ARHGAP18: variants seen among roughly 807,000 people sequenced by gnomAD.
ARHGAP18 encodes the protein Rho GTPase activating protein 18.
In ARHGAP18, 67 loss-of-function variants were observed where a neutral mutation model predicts 86.2. The ratio of observed to expected loss-of-function variants is 0.78; its 90% CI spans 0.64 to 0.95. The LOEUF (loss-of-function observed/expected upper bound fraction) is 0.95, where lower values mean the gene tolerates loss of function less well. Ranked by LOEUF, ARHGAP18 falls within the 40% of genes least tolerant of loss-of-function variation. ARHGAP18 has a pLI of 0.00. For missense variants in ARHGAP18, 691 were observed against 780.4 expected, an observed-to-expected ratio of 0.89 and a Z score of 1.37; for synonymous variants, 283 against 280.4, an observed-to-expected ratio of 1.01 and a Z score of -0.09.
intron 7 of ARHGAP18, among the ~76,000 whole-genome samples, chr6:129,615,647 T>C (rs1789082350): frequency 6.6e-6 from 1 of 152,218 alleles, no homozygotes; most frequent in Admixed American, 6.5e-5. Flanking sequence ...TTCTCAAATG[T>C]AATCTGTATT....
intron 1 of ARHGAP18, among the ~76,000 whole-genome samples, chr6:129,707,684 T>A (rs937346793): frequency 1.3e-5 from 2 of 149,238 alleles, no homozygotes; most frequent in Admixed American, 1.3e-4. Context: ...TTGGTAGAGC[T>A]GTGGGGGCGG....
intron 13 of ARHGAP18, among the ~76,000 whole-genome samples, chr6:129,581,303 A>T (rs1454795258): frequency 1.3e-5 from 2 of 152,202 alleles, no homozygotes; most frequent in African/African-American, 4.8e-5. Context: ...CTGGACAGTC[A>T]GGGCTCTCTG....
At chr6:129,694,451 A>G (rs1197411164) in intron 1 of ARHGAP18, among the ~76,000 whole-genome samples, 2 of 152,248 alleles carry the variant, frequency 1.3e-5, no homozygotes, top group Non-Finnish European at 2.9e-5. Context: ...ACTCAGTGGC[A>G]GTGATCCTTA....
At chr6:129,690,495 T>A (rs939522393) in intron 1 of ARHGAP18, among the ~76,000 whole-genome samples, 1 of 152,222 alleles carries the variant, frequency 6.6e-6, no homozygotes, top group Non-Finnish European at 1.5e-5. Context: ...TAAAGAGAGT[T>A]GATTGTCTAC....
Position 129,600,741 on chromosome 6 carries a change from T to G in ARHGAP18, c.1473A>C (p.Ala491=). Residue 491 remains alanine (A), a synonymous_variant, in exon 11 of 15, where the codon GCA becomes GCC. Coordinates refer to ENST00000368149, the MANE Select transcript of ARHGAP18 (RefSeq NM_033515.3). ...VMAPNLFMCH[A]LGLKSSEQRE... is the part of the protein sequence containing the mutation. ...GCTGTTCACTGGACTTCAATCCCAA[T>G]GCATGACACATAAAGAGATTCGGGG... 6.2e-7 allele frequency: 1 copy of G among 1,613,766 alleles called. No homozygotes were observed. The highest frequency in any genetic ancestry group is 8.5e-7 in the Non-Finnish European group (1 of 1,179,792).
intron 11 of ARHGAP18, among the ~76,000 whole-genome samples, chr6:129,600,310 G>C (rs528142843): frequency 3.3e-5 from 5 of 152,052 alleles, no homozygotes; most frequent in African/African-American, 1.2e-4. Context: ...AGTTAATAAG[G>C]GTACAAAATG....
At chr6:129,600,368 T>G (rs1365788724) in intron 11 of ARHGAP18, among the ~76,000 whole-genome samples, 1 of 152,060 alleles carries the variant, frequency 6.6e-6, no homozygotes. Flanking sequence ...CTGAATAATC[T>G]GAAACCAAGA....
chr6:129,697,891 G>T (rs905298804), intron 1 of ARHGAP18, among the ~76,000 whole-genome samples: 2 of 152,114 alleles, frequency 1.3e-5, no homozygotes, highest in African/African-American at 2.4e-5. Context: ...TGGACAATGA[G>T]AAATAACAGG....
chr6:129,708,502 A>T (rs1042048970), intron 1 of ARHGAP18, among the ~76,000 whole-genome samples: 7 of 152,328 alleles, frequency 4.6e-5, no homozygotes, highest in Admixed American at 2.0e-4. Flanking sequence ...GCAGCCCCAG[A>T]CAAAGGCCTA....
intron 1 of ARHGAP18, among the ~76,000 whole-genome samples, chr6:129,648,174 AT>A (rs1248099599): frequency 6.6e-6 from 1 of 151,346 alleles, no homozygotes. Flanking sequence ...TAATTTTTCA[AT>A]TTTTTTGGTT....
intron 1 of ARHGAP18, among the ~76,000 whole-genome samples, chr6:129,680,302 C>G (rs181095449): frequency 3.1e-4 from 47 of 152,288 alleles, no homozygotes; most frequent in African/African-American, 1.1e-3. Context: ...ATTTACAGTT[C>G]TGCTCCAAAC....
intron 1 of ARHGAP18, among the ~76,000 whole-genome samples, chr6:129,651,404 A>G (rs942614582): frequency 6.6e-6 from 1 of 152,194 alleles, no homozygotes; most frequent in African/African-American, 2.4e-5. Context: ...CACACATTCC[A>G]TAATTCCATT....
intron 1 of ARHGAP18, among the ~76,000 whole-genome samples, chr6:129,682,143 T>C (rs1465651149): frequency 2.6e-5 from 4 of 152,186 alleles, no homozygotes; most frequent in African/African-American, 9.7e-5. Flanking sequence ...TCAATCCCCT[T>C]CATACATACT....
At chr6:129,579,753 T>C (rs1788249297) in intron 14 of ARHGAP18, among the ~76,000 whole-genome samples, 1 of 152,204 alleles carries the variant, frequency 6.6e-6, no homozygotes, top group Admixed American at 6.5e-5. Flanking sequence ...ACTACTTCCT[T>C]TACTATGTGA....
intron 5 of ARHGAP18, among the ~76,000 whole-genome samples, chr6:129,627,808 T>C (rs1789513087): frequency 6.6e-6 from 1 of 152,204 alleles, no homozygotes; most frequent in South Asian, 2.1e-4. Context: ...TATAAAATTA[T>C]GTGATACAAT....
At chr6:129,634,194 G>T in intron 3 of ARHGAP18, 89 bp from the exon 4 acceptor site, 1 of 1,108,724 alleles carries the variant, frequency 9.0e-7, no homozygotes, top group Non-Finnish European at 1.4e-6. Flanking sequence ...AATCTTTAGA[G>T]TACAAGACAT....
chr6:129,662,980 G>T (rs898270611), intron 1 of ARHGAP18, among the ~76,000 whole-genome samples: 1 of 152,276 alleles, frequency 6.6e-6, no homozygotes, highest in East Asian at 1.9e-4. Context: ...TTAATAATTT[G>T]TCAGGGGCAA....
intron 12 of ARHGAP18, among the ~76,000 whole-genome samples, chr6:129,587,100 T>C (rs1231210968): frequency 1.3e-5 from 2 of 152,234 alleles, no homozygotes; most frequent in Non-Finnish European, 2.9e-5. Context: ...TTATTTTTTG[T>C]TCATTTTTAC....
chr6:129,615,329 A>G (rs563403050), intron 7 of ARHGAP18, among the ~76,000 whole-genome samples: 13 of 152,354 alleles, frequency 8.5e-5, no homozygotes, highest in African/African-American at 2.9e-4. Flanking sequence ...TGTATAGAAC[A>G]AAGTTTGTCA....
Sources: allele counts gnomAD v4.1 joint callset (sites outside exome capture counted in the v4.1 genomes callset), GRCh38; gene constraint gnomAD v4.1.1; transcripts MANE v1.5; gene names NCBI Gene and HGNC (gene_info 2026-07-23, HGNC 2026-07-21).